LRMDA: variants seen among roughly 807,000 people sequenced by gnomAD.
LRMDA encodes the protein leucine rich melanocyte differentiation associated, also known as leucine-rich melanocyte differentiation-associated protein.
LRMDA carries 18 observed loss-of-function variants against 29.8 expected under a neutral mutation model. The ratio of observed to expected loss-of-function variants is 0.60; its 90% confidence interval spans 0.42 to 0.90. LRMDA has a LOEUF of 0.90. Among genes scored for constraint, LRMDA ranks in the 40% least tolerant of loss-of-function variants. The probability of loss-of-function intolerance (pLI) is 0.00; values close to 1 mark genes in which losing one functional copy is unlikely to be tolerated. For synonymous variants in LRMDA, 125 were observed against 109.4 expected, an observed-to-expected ratio of 1.14 and a Z score of -0.89; for missense variants, 273 against 273.9, an observed-to-expected ratio of 1.00 and a Z score of 0.02.
At chr10:75,633,123 C>G (rs1841348709) in intron 2 of LRMDA, among the ~76,000 whole-genome samples, 1 of 152,120 alleles carries the variant, frequency 6.6e-6, no homozygotes, top group African/African-American at 2.4e-5. Context: ...AAAATTAAGA[C>G]CAAACTTCGC....
At chr10:75,689,592 G>C (rs919526743) in intron 2 of LRMDA, among the ~76,000 whole-genome samples, 2 of 152,150 alleles carry the variant, frequency 1.3e-5, no homozygotes, top group African/African-American at 4.8e-5. Context: ...CAAGGCACCT[G>C]GTGCTCAGGT....
intron 5 of LRMDA, among the ~76,000 whole-genome samples, chr10:76,215,523 A>G (rs1322579106): frequency 4.0e-5 from 6 of 151,774 alleles, no homozygotes; most frequent in Non-Finnish European, 8.8e-5. Context: ...TGGGCTAAGT[A>G]GTAGATTCTT....
intron 2 of LRMDA, among the ~76,000 whole-genome samples, chr10:75,925,611 G>GGTGGCAGTGGTGGTGGTAATA (rs1190830743): frequency 1.3e-5 from 2 of 152,106 alleles, no homozygotes; most frequent in Non-Finnish European, 2.9e-5. Flanking sequence ...AGAAGGTGAT[G>GGTGGCAGTGGTGGTGGTAATA]GTGGCAGTGG....
At chr10:76,111,371 C>G (rs1265756725) in intron 5 of LRMDA, among the ~76,000 whole-genome samples, 4 of 152,220 alleles carry the variant, frequency 2.6e-5, no homozygotes, top group Admixed American at 2.6e-4. Flanking sequence ...TACTCAATAC[C>G]CATCTACTGA....
intron 2 of LRMDA, among the ~76,000 whole-genome samples, chr10:75,675,337 CA>C (rs1841946547): frequency 6.6e-6 from 1 of 152,120 alleles, no homozygotes; most frequent in African/African-American, 2.4e-5. Flanking sequence ...ATGTTTTCTT[CA>C]AAAGTCCTTT....
chr10:75,838,223 T>A (rs1844476756), intron 2 of LRMDA, among the ~76,000 whole-genome samples: 1 of 152,220 alleles, frequency 6.6e-6, no homozygotes, highest in Non-Finnish European at 1.5e-5. Context: ...AATATGATTA[T>A]TTCATTTGTA....
intron 6 of LRMDA, among the ~76,000 whole-genome samples, chr10:76,438,193 CG>C (rs1481388868): frequency 6.6e-6 from 1 of 152,094 alleles, no homozygotes; most frequent in East Asian, 1.9e-4. Flanking sequence ...ATATAAGCAG[CG>C]GGTCAGGGCC....
Position 75,437,188 on chromosome 10 carries a change from A to G in LRMDA, c.31-1206A>G, listed in dbSNP as rs1345724216. ...GTCAGGGTTCAGTGCAGCTTGTATT[A>G]GGTTGCACCATGTAAAAGAGCTATT... On this transcript the variant is annotated intron_variant, in intron 1 of 6. Transcript: ENST00000611255. Among the ~76,000 whole-genome samples, 3 of 152,178 alleles carry G rather than the reference A, an allele frequency of 2.0e-5. No homozygotes were observed. The East Asian group carries it at 5.8e-4, about 29-fold the overall frequency.
chr10:75,623,671 G>A (rs1026365123), intron 2 of LRMDA, among the ~76,000 whole-genome samples: 3 of 152,160 alleles, frequency 2.0e-5, no homozygotes, highest in African/African-American at 7.2e-5. Context: ...GCACAAGGAG[G>A]AAAAATACCA....
At chr10:76,462,349 T>A (rs1053052177) in intron 6 of LRMDA, among the ~76,000 whole-genome samples, 1 of 151,996 alleles carries the variant, frequency 6.6e-6, no homozygotes, top group Non-Finnish European at 1.5e-5. Flanking sequence ...TTTCTCCATA[T>A]GAAAAAAACA....
intron 2 of LRMDA, among the ~76,000 whole-genome samples, chr10:75,847,659 G>A (rs1262970242): frequency 6.6e-6 from 1 of 152,044 alleles, no homozygotes; most frequent in Non-Finnish European, 1.5e-5. Flanking sequence ...ACAAAAAGAT[G>A]ACCTCATTAA....
intron 2 of LRMDA, among the ~76,000 whole-genome samples, chr10:75,712,284 C>G (rs1317570961): frequency 6.6e-6 from 1 of 152,108 alleles, no homozygotes; most frequent in Non-Finnish European, 1.5e-5. Context: ...TCTTCCATTC[C>G]CCTCGATAGG....
intron 5 of LRMDA, among the ~76,000 whole-genome samples, chr10:76,163,802 C>A (rs1195985701): frequency 6.6e-6 from 1 of 152,092 alleles, no homozygotes; most frequent in African/African-American, 2.4e-5. Context: ...CTAAGATGAC[C>A]ACTGAAAAGT....
intron 6 of LRMDA, among the ~76,000 whole-genome samples, chr10:76,531,063 T>A (rs1290336184): frequency 1.3e-5 from 2 of 152,164 alleles, no homozygotes; most frequent in African/African-American, 4.8e-5. Flanking sequence ...TTGCTATGCC[T>A]TTCCTGTTAC....
intron 6 of LRMDA, among the ~76,000 whole-genome samples, chr10:76,453,393 C>G (rs1166754513): frequency 6.6e-6 from 1 of 152,174 alleles, no homozygotes; most frequent in Non-Finnish European, 1.5e-5. Context: ...GAGCCAAGCC[C>G]TTCACCTCTA....
intron 2 of LRMDA, among the ~76,000 whole-genome samples, chr10:75,908,870 G>A (rs923691117): frequency 2.0e-5 from 3 of 152,214 alleles, no homozygotes; most frequent in African/African-American, 7.2e-5. Flanking sequence ...GAATCACTGT[G>A]TGGAAAGCCA....
chr10:76,154,830 A>T (rs1465960935), intron 5 of LRMDA, among the ~76,000 whole-genome samples: 1 of 152,212 alleles, frequency 6.6e-6, no homozygotes, highest in Non-Finnish European at 1.5e-5. Flanking sequence ...GAGTCAGCTC[A>T]TTCTAGCTCA....
At chr10:75,823,773 T>C (rs1012872883) in intron 2 of LRMDA, among the ~76,000 whole-genome samples, 5 of 143,834 alleles carry the variant, frequency 3.5e-5, no homozygotes, top group East Asian at 2.2e-4. Context: ...CACACACACA[T>C]ACACACACAC....
intron 1 of LRMDA, 32 bp downstream of exon 1, chr10:75,431,786 G>A: frequency 7.4e-7 from 1 of 1,342,748 alleles, no homozygotes; most frequent in African/African-American, 1.5e-5. Flanking sequence ...CTCCGCCCGG[G>A]GCGCAGTCCG....
Sources: allele counts gnomAD v4.1 joint callset (sites outside exome capture counted in the v4.1 genomes callset), GRCh38; gene constraint gnomAD v4.1.1; transcripts MANE v1.5; gene names NCBI Gene and HGNC (gene_info 2026-07-23, HGNC 2026-07-21).